MARS1: variants seen among roughly 807,000 people sequenced by gnomAD.
The protein encoded by MARS1 is methionine--tRNA ligase, cytoplasmic.
A neutral mutation model predicts 119.5 loss-of-function variants in MARS1; 80 were observed. The ratio of observed to expected loss-of-function variants is 0.67; its 90% CI spans 0.56 to 0.81. The LOEUF is 0.81. MARS1 is among the 30% of genes least tolerant of loss of function. The pLI is 0.00. For synonymous variants in MARS1, 418 were observed against 433.4 expected, an observed-to-expected ratio of 0.96 and a Z score of 0.44; for missense variants, 945 against 1,116.5, an observed-to-expected ratio of 0.85 and a Z score of 2.19.
chr12:57,515,570 T>TG, intron 18 of MARS1: 1 of 586,088 alleles, frequency 1.7e-6, no homozygotes, highest in Non-Finnish European at 3.0e-6. Flanking sequence ...AACAGATATT[T>TG]GAAGAAACAC....
intron 9 of MARS1, chr12:57,500,088 G>GA (rs1565644864): frequency 3.8e-6 from 2 of 527,728 alleles, no homozygotes; most frequent in Non-Finnish European, 6.9e-6. Flanking sequence ...TTCAACAAAA[G>GA]TGAATTCTAA....
intron 18 of MARS1, 43 bp downstream of exon 18, chr12:57,515,379 C>T: frequency 6.3e-7 from 1 of 1,586,320 alleles, no homozygotes; most frequent in South Asian, 1.1e-5. Flanking sequence ...ATACTCTTGC[C>T]ATGCAGCTTT....
At position 57,516,426 on chromosome 12, in the gene MARS1, TTA is replaced by T; in HGVS notation, c.2557-7_2557-6del. ...CTCACTGTTACCTCCCCACCCCCCT[TTA>T]TCTTAGGGAAACATTGTCCGAGAAC... is the stretch of plus-strand genomic sequence containing the variant. On this transcript the variant is annotated splice_polypyrimidine_tract_variant and splice_region_variant and intron_variant, in intron 20 of 20. Transcript: ENST00000262027. 6.2e-7 allele frequency: 1 copy of T among 1,612,874 alleles called. No homozygotes were observed. The highest frequency in any genetic ancestry group is 8.5e-7 in the Non-Finnish European group (1 of 1,179,240).
Position 57,511,516 on chromosome 12 carries a change from G to A in MARS1, c.1369-182G>A, listed in dbSNP as rs1245441536. ...TGCTTGAGCCCAGGAGGTTTAGGCTGCAGTGAGCTGTGATTATGATTGCAC... is the reference window on the plus strand; with the variant it reads ...TGCTTGAGCCCAGGAGGTTTAGGCTACAGTGAGCTGTGATTATGATTGCAC... On this transcript the variant is annotated intron_variant, in intron 11 of 20. Coordinates refer to ENST00000262027, the MANE Select transcript of MARS1 (RefSeq NM_004990.4). The A allele has an allele frequency of 6.5e-6, 4 of 619,032 alleles. No homozygotes were observed. In the African/African-American group the frequency reaches 7.4e-5, roughly 11 times the overall value. The allele number at this position is 619,032 out of a possible 1,614,324, so 38.3% of individuals were successfully genotyped here. A position where few individuals can be genotyped will look rare whatever the true frequency, so the allele number is the denominator to read the frequency against.
chr12:57,501,601 C>T (rs1876919135), intron 10 of MARS1, among the ~76,000 whole-genome samples: 1 of 152,108 alleles, frequency 6.6e-6, no homozygotes, highest in African/African-American at 2.4e-5. Flanking sequence ...GGGCAGATCA[C>T]TTGAGGTCAG....
chr12:57,493,669 T>A (rs1287745477), intron 7 of MARS1, among the ~76,000 whole-genome samples: 3 of 16,214 alleles, frequency 1.9e-4, no homozygotes, highest in African/African-American at 1.2e-3. Context: ...TATTATATAT[T>A]ATATATATTA....
chr12:57,490,371 G>A lies in MARS1; in HGVS notation c.655G>A (p.Glu219Lys). 1.2e-6 allele frequency: 2 copies of A among 1,612,606 alleles called. No individual in the cohort carries two copies. Among genetic ancestry groups the A allele is most frequent in the Admixed American group, 1.7e-5 (1 of 60,020 alleles). The change falls in exon 6 of 21, where the codon GAG (glutamate) becomes AAG (lysine). Residue 219 changes from glutamate to lysine, a missense_variant. Transcript: ENST00000262027. ...SPAEGRAVTNEPEEEELATLS... is the reference protein window; with the variant it reads ...SPAEGRAVTNKPEEEELATLS... ...CGCTGAGGGAAGGGCTGTCACCAAT[G>A]AGCCTGAGGTTTGGAATAGGGCAGA...
intron 11 of MARS1, among the ~76,000 whole-genome samples, chr12:57,506,850 CTTTT>C (rs35786533): frequency 3.1e-5 from 4 of 128,150 alleles, no homozygotes; most frequent in Non-Finnish European, 5.0e-5. Context: ...TAATTTTTGT[CTTTT>C]TTTTTTTTTT....
At chr12:57,508,522 G>A (rs924073263) in intron 11 of MARS1, among the ~76,000 whole-genome samples, 4 of 152,272 alleles carry the variant, frequency 2.6e-5, no homozygotes, top group African/African-American at 9.6e-5. Flanking sequence ...CCAGTCAGGC[G>A]TGGCGGCACG....
intron 7 of MARS1, among the ~76,000 whole-genome samples, chr12:57,492,677 A>T (rs983505827): frequency 4.0e-4 from 39 of 98,178 alleles, no homozygotes; most frequent in African/African-American, 9.6e-4. Context: ...TTTCACACAC[A>T]CACACACACA....
intron 11 of MARS1, among the ~76,000 whole-genome samples, chr12:57,506,006 C>T (rs79748949): frequency 1.3e-5 from 2 of 152,164 alleles, no homozygotes; most frequent in East Asian, 3.9e-4. Flanking sequence ...TTAATCCTAA[C>T]ATTTTGCAAG....
At chr12:57,492,458 T>C (rs1029029587) in intron 7 of MARS1, among the ~76,000 whole-genome samples, 1 of 151,770 alleles carries the variant, frequency 6.6e-6, no homozygotes, top group African/African-American at 2.4e-5. Flanking sequence ...TCACCTGAGA[T>C]CAGCAGTTCG....
rs866015485 is a variant in MARS1 at position 57,508,531 on chromosome 12, C to T, written c.1369-3167C>T. Reference sequence around the variant, plus strand: ...CGAAAACCAGTCAGGCGTGGCGGCACGCGCCCGCAATCGCAGGCACTCGGC... The same window carrying T: ...CGAAAACCAGTCAGGCGTGGCGGCATGCGCCCGCAATCGCAGGCACTCGGC... On this transcript the variant is annotated intron_variant, in intron 11 of 20. Transcript: ENST00000262027. Among the ~76,000 whole-genome samples the T allele has an allele frequency of 2.3e-3, 346 of 152,376 alleles. 2 individuals are homozygous for T. The highest frequency in any genetic ancestry group is 8.0e-3 in the African/African-American group (334 of 41,586).
chr12:57,493,950 T>A (rs1407263008), intron 7 of MARS1, among the ~76,000 whole-genome samples: 2 of 103,862 alleles, frequency 1.9e-5, no homozygotes, highest in African/African-American at 7.5e-5. Flanking sequence ...ATATATATAT[T>A]TTTTAATTTT....
intron 11 of MARS1, among the ~76,000 whole-genome samples, chr12:57,507,687 A>T (rs71432309): frequency 6.9e-4 from 9 of 12,978 alleles, no homozygotes; most frequent in Non-Finnish European, 1.3e-3. Flanking sequence ...CCCGGACGGG[A>T]CGGCTGGCCG....
In MARS1 at chr12:57,516,567, A is replaced by C. The variant is rs1877851019; in HGVS notation, c.2689A>C (p.Lys897Gln). 6.3e-7 allele frequency: 1 copy of C among 1,577,088 alleles called. No homozygotes were observed. Among genetic ancestry groups the C allele is most frequent in the Admixed American group, 2.1e-5 (1 of 48,080 alleles). Residue 897 changes from lysine (K) to glutamine (Q), a missense_variant, in exon 21 of 21, where the codon AAG becomes CAG. Coordinates refer to ENST00000262027, the MANE Select transcript of MARS1 (RefSeq NM_004990.4). ...EGKPPEAPKG[K>Q]KKK is the part of the protein sequence containing the mutation. ...GAAACCCCCTGAAGCCCCTAAAGGCAAGAAGAAAAAGTAAAAGACCTTGGC... is the reference window on the plus strand; with the variant it reads ...GAAACCCCCTGAAGCCCCTAAAGGCCAGAAGAAAAAGTAAAAGACCTTGGC...
intron 11 of MARS1, among the ~76,000 whole-genome samples, chr12:57,509,775 G>A (rs915800216): frequency 5.3e-5 from 8 of 152,064 alleles, no homozygotes; most frequent in Non-Finnish European, 1.2e-4. Context: ...AGAGTTCTTC[G>A]TCACTTTCTC....
In MARS1 at chr12:57,515,024, C is replaced by T. The variant is rs770756933; in HGVS notation, c.2170C>T (p.Pro724Ser). 19 of 1,613,996 alleles carry T rather than the reference C, an allele frequency of 1.2e-5. No homozygotes were observed. Among genetic ancestry groups the T allele is most frequent in the Non-Finnish European group, 1.5e-5 (18 of 1,180,028 alleles). The stretch of plus-strand genomic sequence containing the variant: ...CAACCAATATATTCAGGTGAATGAG[C>T]CCTGGAAGCGGATTAAAGGCAGTGA... ...HGNQYIQVNEPWKRIKGSEAD... is the reference protein window; with the variant it reads ...HGNQYIQVNESWKRIKGSEAD... Residue 724 changes from proline to serine, a missense_variant, in exon 17 of 21, where the codon CCC becomes TCC. Coordinates refer to ENST00000262027, the MANE Select transcript of MARS1 (RefSeq NM_004990.4).
chr12:57,489,870 AT>A (rs1303173447), intron 4 of MARS1, 25 bp from the exon 5 acceptor site: 5 of 1,601,048 alleles, frequency 3.1e-6, no homozygotes, highest in East Asian at 4.5e-5. Flanking sequence ...ATTTGTGTAC[AT>A]TTTCCTTTTC....
Sources: allele counts gnomAD v4.1 joint callset (sites outside exome capture counted in the v4.1 genomes callset), GRCh38; gene constraint gnomAD v4.1.1; transcripts MANE v1.5; gene names NCBI Gene and HGNC (gene_info 2026-07-23, HGNC 2026-07-21).